MAP3K12: variants seen among roughly 807,000 people sequenced by gnomAD.
MAP3K12 encodes MAPK-upstream kinase.
A neutral mutation model predicts 87.5 loss-of-function variants in MAP3K12; 14 were observed. The ratio of observed to expected loss-of-function variants is 0.16; its 90% CI spans 0.11 to 0.25. The LOEUF is 0.25. Ranked by LOEUF, MAP3K12 falls within the 10% of genes least tolerant of loss-of-function variation. MAP3K12 has a pLI of 1.00. For synonymous variants in MAP3K12, 469 were observed against 452.5 expected (o/e 1.04, Z -0.46); for missense variants, 802 against 1,140.4 (o/e 0.70, Z 4.27).
chr12:53,483,231 T>G, intron 10 of MAP3K12, 42 bp from the exon 11 acceptor site: 1 of 1,538,280 alleles, frequency 6.5e-7, no homozygotes, highest in Non-Finnish European at 8.7e-7. Flanking sequence ...CTGCCAAATC[T>G]ATGTACTCAA....
chr12:53,490,049 T>C (rs1293522253), intron 1 of MAP3K12, among the ~76,000 whole-genome samples: 2 of 152,110 alleles, frequency 1.3e-5, no homozygotes, highest in African/African-American at 2.4e-5. Flanking sequence ...ATGCCTGTAA[T>C]ACCAACACTT....
chr12:53,487,095 C>T lies in MAP3K12; in HGVS notation c.297G>A (p.Glu99=). 1.2e-6 allele frequency: 2 copies of T among 1,614,014 alleles called. No individual in the cohort carries two copies. ...GGPGGAAGSP[E]SRASRVRADE... is the part of the protein sequence containing the mutation. ...CAGCTCGAACTCTGGATGCCCGACT[C>T]TCAGGTGACCCAGCTGCTCCCCCTG... is the stretch of plus-strand genomic sequence containing the variant. The change falls in exon 2 of 14, where the codon GAG becomes GAA. Residue 99 remains glutamate, a synonymous_variant. Coordinates refer to ENST00000547488, the MANE Select transcript of MAP3K12 (RefSeq NM_001193511.2).
intron 1 of MAP3K12, among the ~76,000 whole-genome samples, chr12:53,488,123 A>G (rs1943286466): frequency 6.6e-6 from 1 of 152,202 alleles, no homozygotes; most frequent in Non-Finnish European, 1.5e-5. Flanking sequence ...GAAGGTTGTA[A>G]CCACAGAGTT....
upstream of MAP3K12, among the ~76,000 whole-genome samples, chr12:53,499,803 G>A (rs1943642918): frequency 6.6e-6 from 1 of 152,188 alleles, no homozygotes; most frequent in Non-Finnish European, 1.5e-5. Flanking sequence ...TGGCCCGCCT[G>A]GGCCCCGCGC....
chr12:53,489,971 C>T (rs1384076085), intron 1 of MAP3K12, among the ~76,000 whole-genome samples: 1 of 152,310 alleles, frequency 6.6e-6, no homozygotes, highest in Admixed American at 6.5e-5. Context: ...CTCCCTAACC[C>T]CAATTCTCCA....
At chr12:53,491,301 A>AGAAAAAAAAAAAAG (rs1555212338) in intron 1 of MAP3K12, among the ~76,000 whole-genome samples, 1 of 101,568 alleles carries the variant, frequency 9.8e-6, no homozygotes, top group African/African-American at 3.8e-5. Flanking sequence ...AAAAAAAAAA[A>AGAAAAAAAAAAAAG]AAAAGAAAAG....
chr12:53,487,655 G>A, intron 1 of MAP3K12: 2 of 476,352 alleles, frequency 4.2e-6, no homozygotes, highest in South Asian at 3.3e-5. Context: ...GCAAGTAATA[G>A]GTAGACAGGT....
At chr12:53,501,183 G>C, upstream of MAP3K12, 1 of 578,004 alleles carries the variant, frequency 1.7e-6, no homozygotes, top group Non-Finnish European at 3.1e-6. Flanking sequence ...AGGCGGTGCA[G>C]CCTGCCCGGG....
At chr12:53,492,289 T>TC (rs1449264033) in intron 1 of MAP3K12, among the ~76,000 whole-genome samples, 4 of 152,166 alleles carry the variant, frequency 2.6e-5, no homozygotes, top group Admixed American at 6.5e-5. Flanking sequence ...TAGTCGGGCG[T>TC]CTGGCTCCTT....
upstream of MAP3K12, chr12:53,501,300 G>A: frequency 7.9e-7 from 1 of 1,273,348 alleles, no homozygotes; most frequent in African/African-American, 1.5e-5. Flanking sequence ...CCCGCGGCGG[G>A]CCCTACCGGC....
chr12:53,490,542 G>A (rs1044670990), intron 1 of MAP3K12, among the ~76,000 whole-genome samples: 8 of 152,040 alleles, frequency 5.3e-5, no homozygotes, highest in Non-Finnish European at 8.8e-5. Flanking sequence ...TCAGGAGATC[G>A]AGACCATGCT....
At chr12:53,492,057 A>G (rs1380477568) in intron 1 of MAP3K12, among the ~76,000 whole-genome samples, 1 of 149,792 alleles carries the variant, frequency 6.7e-6, no homozygotes, top group African/African-American at 2.5e-5. Context: ...CCTGGGTGAC[A>G]GAGCAAGACT....
chr12:53,479,676 T>TTTTTTTTTTGTTTTTG lies in MAP3K12; in HGVS notation c.*1505_*1506insCAAAAACAAAAAAAAA. The TTTTTTTTTTGTTTTTG allele has an allele frequency of 5.2e-6, 2 of 387,602 alleles. No individual in the cohort carries two copies. Among genetic ancestry groups the TTTTTTTTTTGTTTTTG allele is most frequent in the Non-Finnish European group, 9.2e-6 (2 of 217,140 alleles). 24.0% of individuals were successfully genotyped at this position (387,602 alleles called of 1,614,324 possible). Reference sequence around the variant, plus strand: ...GTTTTATAAGCTTCTCCCTGGTTTTTTTTTTTTGGCTCATGAATTTTTCTG... The same window carrying TTTTTTTTTTGTTTTTG: ...GTTTTATAAGCTTCTCCCTGGTTTTTTTTTTTTTTGTTTTTGTTTTTTTGGCTCATGAATTTTTCTG... On this transcript the variant is annotated 3_prime_UTR_variant, in exon 14 of 14. Coordinates refer to ENST00000547488, the MANE Select transcript of MAP3K12 (RefSeq NM_001193511.2).
In MAP3K12 at chr12:53,483,226, A is replaced by G. The variant is rs773420744; in HGVS notation, c.1614-37T>C. On this transcript the variant is annotated intron_variant, in intron 10 of 13. Coordinates refer to ENST00000547488, the MANE Select transcript of MAP3K12 (RefSeq NM_001193511.2). ...GGAAAAGTAAAAGGTTAAGACTGCC[A>G]AATCTATGTACTCAAAGCACTCCCT... 2.6e-6 allele frequency: 4 copies of G among 1,535,128 alleles called. No homozygotes were observed. In the East Asian group the frequency reaches 9.0e-5, roughly 35 times the overall value.
At chr12:53,495,541 C>CAA (rs57850924) in intron 1 of MAP3K12, among the ~76,000 whole-genome samples, 61 of 48,052 alleles carry the variant, frequency 1.3e-3, no homozygotes, top group African/African-American at 3.8e-3. Flanking sequence ...GACTCCATCT[C>CAA]AAAAAAAAAA....
chr12:53,501,332 G>A, upstream of MAP3K12: 2 of 1,519,090 alleles, frequency 1.3e-6, no homozygotes, highest in Non-Finnish European at 1.8e-6. Flanking sequence ...GCTTGGCCCC[G>A]GCCCTAGCTC....
At chr12:53,491,805 G>A (rs1943415706) in intron 1 of MAP3K12, among the ~76,000 whole-genome samples, 1 of 149,362 alleles carries the variant, frequency 6.7e-6, no homozygotes, top group South Asian at 2.2e-4. Context: ...TGGGCGCAGT[G>A]GCTCACGCCT....
In MAP3K12 at chr12:53,484,148, G is replaced by A. The variant is rs1780490774; in HGVS notation, c.1248+109C>T. Reference sequence around the variant, plus strand: ...GGAGTGGATTGACTCAGCCCTCTAAGAGCCAATCTCTTCAGTCCCACTCAA... The same window carrying A: ...GGAGTGGATTGACTCAGCCCTCTAAAAGCCAATCTCTTCAGTCCCACTCAA... On this transcript the variant is annotated intron_variant, in intron 7 of 13. Transcript: ENST00000547488. 6.6e-6 allele frequency: 9 copies of A among 1,365,414 alleles called. 1 individual carries two copies. The highest frequency in any genetic ancestry group is 2.4e-5 in the South Asian group (2 of 82,344). 84.6% of individuals were successfully genotyped at this position (1,365,414 alleles called of 1,614,324 possible).
rs781407707 is a variant in MAP3K12, at chr12:53,486,654, CAGAA to C, written c.446-36_446-33del. On this transcript the variant is annotated intron_variant, in intron 2 of 13. Transcript: ENST00000547488. The surrounding 1 kb of genome is among the most constrained non-coding windows in gnomAD (Gnocchi z 4.9). Reference sequence around the variant, plus strand: ...GCAGGAGGCACAGTGCCACAAGCCTCAGAAAGAGCCACACTCAAGGCCAGGGACA... The same window carrying C: ...GCAGGAGGCACAGTGCCACAAGCCTCAGAGCCACACTCAAGGCCAGGGACA... 14 of 1,537,570 alleles carry C rather than the reference CAGAA, an allele frequency of 9.1e-6. No individual in the cohort carries two copies. Among genetic ancestry groups the C allele is most frequent in the African/African-American group, 1.4e-5 (1 of 72,730 alleles).
Sources: allele counts gnomAD v4.1 joint callset (sites outside exome capture counted in the v4.1 genomes callset), GRCh38; gene constraint gnomAD v4.1.1; non-coding constraint Gnocchi (gnomAD v3.1); transcripts MANE v1.5; gene names NCBI Gene and HGNC (gene_info 2026-07-23, HGNC 2026-07-21).